Variants in IQSEC1 observed in about 807,000 individuals in gnomAD.
The protein encoded by IQSEC1 is IQ motif and Sec7 domain ArfGEF 1.
In IQSEC1, 31 loss-of-function variants were observed where a neutral mutation model predicts 91.0. That is an observed-to-expected ratio of 0.34 (90% confidence interval 0.26 to 0.46). The LOEUF is 0.46. Among genes scored for constraint, IQSEC1 ranks in the 20% least tolerant of loss-of-function variants. IQSEC1 has a pLI of 1.00. For synonymous variants in IQSEC1, 699 were observed against 662.6 expected (o/e 1.05, Z -0.84); for missense variants, 1,388 against 1,575.6 (o/e 0.88, Z 2.02).
chr3:13,138,209 C>G (rs1159309033), intron 2 of IQSEC1, among the ~76,000 whole-genome samples: 1 of 152,210 alleles, frequency 6.6e-6, no homozygotes, highest in African/African-American at 2.4e-5. Flanking sequence ...AGTACACAGG[C>G]AGCTTTGGAG....
chr3:13,240,838 G>A (rs554436421), intron 1 of IQSEC1, among the ~76,000 whole-genome samples: 13 of 152,322 alleles, frequency 8.5e-5, no homozygotes, highest in South Asian at 2.1e-4. Flanking sequence ...ACACACTTTG[G>A]ATATGGGTGG....
intron 3 of IQSEC1, among the ~76,000 whole-genome samples, chr3:12,930,270 T>C (rs1397051710): frequency 1.3e-5 from 2 of 152,300 alleles, no homozygotes; most frequent in East Asian, 3.9e-4. Flanking sequence ...CGCCTCAGCC[T>C]CCCAAGCAGC....
intron 1 of IQSEC1, among the ~76,000 whole-genome samples, chr3:13,069,536 C>A (rs778982318): frequency 1.2e-4 from 18 of 152,240 alleles, no homozygotes; most frequent in Non-Finnish European, 2.4e-4. Flanking sequence ...GAGACCACTG[C>A]CTCCTGCGGG....
intron 2 of IQSEC1, among the ~76,000 whole-genome samples, chr3:13,141,594 G>A (rs574978800): frequency 1.3e-5 from 2 of 152,334 alleles, no homozygotes; most frequent in Admixed American, 1.3e-4. Flanking sequence ...CAGGTGACCA[G>A]GGGAATTCAT....
chr3:13,144,030 G>A (rs960551103), intron 2 of IQSEC1, among the ~76,000 whole-genome samples: 8 of 152,148 alleles, frequency 5.3e-5, no homozygotes, highest in African/African-American at 1.7e-4. Flanking sequence ...CAAGAATCCT[G>A]GATGACACTG....
chr3:13,119,396 T>C (rs1359543839), intron 2 of IQSEC1, among the ~76,000 whole-genome samples: 1 of 152,196 alleles, frequency 6.6e-6, no homozygotes, highest in Admixed American at 6.5e-5. Context: ...GAAAGTTTGA[T>C]GATGAAGGAA....
chr3:12,913,446 C>G lies in IQSEC1; in HGVS notation c.2298G>C (p.Leu766=). Residue 766 remains leucine, a synonymous_variant, in exon 9 of 14, where the codon CTG becomes CTC. Transcript: ENST00000613206. The stretch of plus-strand genomic sequence containing the variant: ...CACATACCACCAGGAGGTCGTTGAA[C>G]AGGAAGATTTCTCGCTGGTGTAGTC... ...KLGLHQREIF[L]FNDLLVVTKI... 6.2e-7 allele frequency: 1 copy of G among 1,602,336 alleles called. No individual in the cohort carries two copies.
chr3:12,933,898 C>T (rs961641700), intron 3 of IQSEC1, among the ~76,000 whole-genome samples: 2 of 152,276 alleles, frequency 1.3e-5, no homozygotes, highest in Non-Finnish European at 2.9e-5. Context: ...AGAATCTACA[C>T]AGACCAAAGC....
intron 1 of IQSEC1, among the ~76,000 whole-genome samples, chr3:12,978,992 C>CA (rs988939884): frequency 6.6e-6 from 1 of 152,220 alleles, no homozygotes; most frequent in African/African-American, 2.4e-5. Context: ...TCTGCATCTA[C>CA]ATGGGGCATG....
chr3:13,068,257 A>G (rs1705300541), intron 1 of IQSEC1, among the ~76,000 whole-genome samples: 1 of 152,230 alleles, frequency 6.6e-6, no homozygotes, highest in African/African-American at 2.4e-5. Context: ...GGTGGGTCAG[A>G]GGTAGGTGCT....
intron 2 of IQSEC1, among the ~76,000 whole-genome samples, chr3:13,096,930 G>A (rs1476836741): frequency 3.4e-5 from 5 of 149,034 alleles, no homozygotes; most frequent in Admixed American, 6.8e-5. Context: ...GCGCGATCTC[G>A]GCTCACTGCA....
intron 1 of IQSEC1, among the ~76,000 whole-genome samples, chr3:12,959,372 C>T (rs968924246): frequency 2.0e-5 from 3 of 152,154 alleles, no homozygotes; most frequent in African/African-American, 7.2e-5. Flanking sequence ...AGGGGACCCC[C>T]AATCCGATGA....
At chr3:13,153,895 C>A (rs1707039910) in intron 2 of IQSEC1, among the ~76,000 whole-genome samples, 1 of 151,996 alleles carries the variant, frequency 6.6e-6, no homozygotes, top group Non-Finnish European at 1.5e-5. Flanking sequence ...ACCACACGTG[C>A]AAAGAGATGG....
At chr3:13,243,977 A>C (rs908390534) in intron 1 of IQSEC1, among the ~76,000 whole-genome samples, 4 of 152,198 alleles carry the variant, frequency 2.6e-5, no homozygotes, top group African/African-American at 9.6e-5. Flanking sequence ...AGGAAGCTCG[A>C]ATAGGATATG....
At chr3:12,933,626 G>T (rs947700931) in intron 3 of IQSEC1, among the ~76,000 whole-genome samples, 1 of 152,164 alleles carries the variant, frequency 6.6e-6, no homozygotes, top group Non-Finnish European at 1.5e-5. Context: ...TGGGACGGGG[G>T]GTTATGCTGC....
At chr3:13,263,164 C>T (rs1003275583) in intron 1 of IQSEC1, among the ~76,000 whole-genome samples, 3 of 152,092 alleles carry the variant, frequency 2.0e-5, no homozygotes, top group Non-Finnish European at 4.4e-5. Flanking sequence ...GCTTGAGAAT[C>T]TCTTGAGCCT....
At chr3:13,003,655 G>A (rs931057016) in intron 1 of IQSEC1, among the ~76,000 whole-genome samples, 2 of 152,186 alleles carry the variant, frequency 1.3e-5, no homozygotes, top group Admixed American at 1.3e-4. Flanking sequence ...AAGAAAACAC[G>A]TGATGACTAA....
intron 1 of IQSEC1, among the ~76,000 whole-genome samples, chr3:13,278,743 T>C (rs1043575078): frequency 2.8e-5 from 4 of 144,490 alleles, no homozygotes; most frequent in African/African-American, 1.0e-4. Flanking sequence ...TGCTTGAACC[T>C]GGGAGGCGGA....
rs755330692 is a variant in IQSEC1, at chr3:12,908,070, T to C, written c.2755+279A>G. ...CTTCCCAGATCAATAAACAAGTAAATAAAACCCCTGGAAGAAGAAAGGGAA... is the reference window on the plus strand; with the variant it reads ...CTTCCCAGATCAATAAACAAGTAAACAAAACCCCTGGAAGAAGAAAGGGAA... On this transcript the variant is annotated intron_variant, in intron 12 of 13. Transcript: ENST00000613206. The surrounding 1 kb of genome is among the most constrained non-coding windows in gnomAD (Gnocchi z 4.9). Among the ~76,000 whole-genome samples the C allele has an allele frequency of 6.6e-5, 10 of 152,044 alleles. No individual in the cohort carries two copies. The highest frequency in any genetic ancestry group is 1.3e-4 in the Non-Finnish European group (9 of 67,996).
Sources: allele counts gnomAD v4.1 joint callset (sites outside exome capture counted in the v4.1 genomes callset), GRCh38; gene constraint gnomAD v4.1.1; non-coding constraint Gnocchi (gnomAD v3.1); transcripts MANE v1.5; gene names NCBI Gene and HGNC (gene_info 2026-07-23, HGNC 2026-07-21).